The following GALNTL6 variants were observed in gnomAD, a reference collection of about 807,000 sequenced individuals.
GALNTL6 encodes polypeptide N-acetylgalactosaminyltransferase-like 6.
In GALNTL6, 46 loss-of-function variants were observed where a neutral mutation model predicts 73.7. That is an observed-to-expected ratio of 0.62 (90% CI 0.49 to 0.80). The LOEUF (loss-of-function observed/expected upper bound fraction) is 0.80, where lower values mean the gene tolerates loss of function less well. Among genes scored for constraint, GALNTL6 ranks in the 30% least tolerant of loss-of-function variants. The pLI is 0.00. For synonymous variants in GALNTL6, 259 were observed against 263.7 expected, an observed-to-expected ratio of 0.98 and a Z score of 0.17; for missense variants, 604 against 755.0, an observed-to-expected ratio of 0.80 and a Z score of 2.34.
At chr4:171,833,075 G>A (rs868642282) in intron 2 of GALNTL6, among the ~76,000 whole-genome samples, 3 of 151,618 alleles carry the variant, frequency 2.0e-5, no homozygotes, top group South Asian at 2.1e-4. Context: ...CCTGTTTCAC[G>A]TGTGGCTTGA....
chr4:172,896,577 C>T lies in GALNTL6; in HGVS notation c.1041+13670C>T, dbSNP rs148034068. ...TCCCTGCACAGGCAGGATGGATCCT[C>T]AATTGCAACAAGGAGAACTTGGATT... On this transcript the variant is annotated intron_variant, in intron 8 of 12. Coordinates refer to ENST00000506823, the MANE Select transcript of GALNTL6 (RefSeq NM_001034845.3). Among the ~76,000 whole-genome samples the T allele has an allele frequency of 2.1e-3, 324 of 152,246 alleles. 3 individuals are homozygous for T. Among genetic ancestry groups the T allele is most frequent in the African/African-American group, 7.1e-3 (295 of 41,564 alleles).
intron 2 of GALNTL6, among the ~76,000 whole-genome samples, chr4:172,189,933 C>T (rs1312146528): frequency 6.6e-6 from 1 of 152,154 alleles, no homozygotes; most frequent in Non-Finnish European, 1.5e-5. Flanking sequence ...AATATTCCAG[C>T]AGCTTGTACG....
chr4:172,463,936 A>G (rs1272049814), intron 5 of GALNTL6, among the ~76,000 whole-genome samples: 1 of 152,224 alleles, frequency 6.6e-6, no homozygotes, highest in Non-Finnish European at 1.5e-5. Flanking sequence ...CTTATGAATA[A>G]TAGTTACTTT....
chr4:172,097,958 G>A (rs1057407905), intron 2 of GALNTL6, among the ~76,000 whole-genome samples: 2 of 151,922 alleles, frequency 1.3e-5, no homozygotes, highest in Non-Finnish European at 2.9e-5. Context: ...GCCACAGAAA[G>A]CTGGAAGGTT....
intron 2 of GALNTL6, among the ~76,000 whole-genome samples, chr4:171,962,653 C>T (rs543139568): frequency 3.7e-4 from 56 of 151,808 alleles, no homozygotes; most frequent in Non-Finnish European, 7.4e-4. Context: ...CCCTTGTTTA[C>T]CAAATAATCA....
chr4:172,674,942 A>G (rs569896219), intron 5 of GALNTL6, among the ~76,000 whole-genome samples: 12 of 152,088 alleles, frequency 7.9e-5, no homozygotes, highest in Non-Finnish European at 1.8e-4. Context: ...AATGATCTTC[A>G]TTCCTATCTA....
intron 5 of GALNTL6, among the ~76,000 whole-genome samples, chr4:172,465,266 A>T (rs1259985964): frequency 6.6e-6 from 1 of 152,176 alleles, no homozygotes; most frequent in African/African-American, 2.4e-5. Flanking sequence ...TCACGAGGTC[A>T]GGAGATCCAG....
chr4:171,863,782 A>C (rs1386836695), intron 2 of GALNTL6, among the ~76,000 whole-genome samples: 2 of 151,362 alleles, frequency 1.3e-5, no homozygotes, highest in African/African-American at 4.9e-5. Context: ...TTTGAGACAT[A>C]GTTTTACTCT....
rs114653091 is a variant in GALNTL6 at position 172,513,769 on chromosome 4, G to A, written c.553+165080G>A. Among the ~76,000 whole-genome samples, 108 of 152,286 alleles carry A rather than the reference G, an allele frequency of 7.1e-4. 1 individual carries two copies. The highest frequency in any genetic ancestry group is 2.5e-3 in the African/African-American group (105 of 41,566). ...AGAGCCCCATGAGGTTATCATCCTC[G>A]GGTCTCTCAGCTGTGGATACCAGCA... On this transcript the variant is annotated intron_variant, in intron 5 of 12. Coordinates refer to ENST00000506823, the MANE Select transcript of GALNTL6 (RefSeq NM_001034845.3).
At chr4:172,683,770 AC>A (rs2111237548) in intron 5 of GALNTL6, among the ~76,000 whole-genome samples, 1 of 152,334 alleles carries the variant, frequency 6.6e-6, no homozygotes, top group African/African-American at 2.4e-5. Flanking sequence ...GATACTATTC[AC>A]AACTAAGCAG....
At chr4:172,993,565 T>C (rs1032573467) in intron 10 of GALNTL6, among the ~76,000 whole-genome samples, 3 of 152,236 alleles carry the variant, frequency 2.0e-5, no homozygotes, top group Admixed American at 6.5e-5. Context: ...CTCTCATGGC[T>C]ACTTGATGAG....
chr4:171,965,938 T>G (rs749831522), intron 2 of GALNTL6, among the ~76,000 whole-genome samples: 7 of 152,238 alleles, frequency 4.6e-5, no homozygotes, highest in Non-Finnish European at 8.8e-5. Flanking sequence ...GGTTCAACTT[T>G]ATTTTTTCTT....
chr4:172,150,084 C>G (rs1484976018), intron 2 of GALNTL6, among the ~76,000 whole-genome samples: 2 of 152,094 alleles, frequency 1.3e-5, no homozygotes, highest in African/African-American at 4.8e-5. Context: ...CTGGGCCCAC[C>G]ACCAATACAA....
intron 12 of GALNTL6, among the ~76,000 whole-genome samples, chr4:173,022,189 GAGGAAGGAAGGA>G (rs35151291): frequency 7.1e-4 from 96 of 134,368 alleles, no homozygotes; most frequent in East Asian, 1.4e-3. Context: ...GGGAGGGAGG[GAGGAAGGAAGGA>G]AGGAAGGAAG....
intron 2 of GALNTL6, among the ~76,000 whole-genome samples, chr4:171,942,227 A>G (rs1193362795): frequency 7.7e-5 from 4 of 51,678 alleles, no homozygotes; most frequent in Admixed American, 5.5e-4. Flanking sequence ...CCGGTCTCCA[A>G]TAAAAAATAA....
intron 3 of GALNTL6, among the ~76,000 whole-genome samples, chr4:172,272,789 A>G (rs970101431): frequency 1.3e-5 from 2 of 152,206 alleles, no homozygotes; most frequent in Non-Finnish European, 2.9e-5. Context: ...AAACCAATAT[A>G]TGTAAGAAAT....
chr4:172,345,181 A>G (rs896305083), intron 4 of GALNTL6, among the ~76,000 whole-genome samples: 1 of 151,988 alleles, frequency 6.6e-6, no homozygotes, highest in African/African-American at 2.4e-5. Context: ...TCACACAGGC[A>G]GTAAATGGCA....
intron 2 of GALNTL6, among the ~76,000 whole-genome samples, chr4:172,207,024 A>T (rs1009946481): frequency 1.3e-5 from 2 of 150,710 alleles, no homozygotes; most frequent in African/African-American, 4.9e-5. Context: ...TCACCATGTT[A>T]GCCAGGATGA....
intron 2 of GALNTL6, among the ~76,000 whole-genome samples, chr4:171,906,780 A>C (rs1166832951): frequency 6.6e-6 from 1 of 152,184 alleles, no homozygotes; most frequent in African/African-American, 2.4e-5. Flanking sequence ...GCAGCACATC[A>C]AAAAGCTTAT....
Sources: gnomAD v4.1 joint callset for allele counts (sites outside exome capture counted in the v4.1 genomes callset) on GRCh38, gnomAD v4.1.1 for gene constraint, MANE v1.5 for transcripts, NCBI Gene and HGNC (gene_info 2026-07-23, HGNC 2026-07-21) for gene names.